POU2F1: variants seen among roughly 807,000 people sequenced by gnomAD.
POU2F1 encodes the protein POU domain, class 2, transcription factor 1.
A neutral mutation model predicts 84.9 loss-of-function variants in POU2F1; 16 were observed. The observed-to-expected ratio is 0.19, with a 90% CI of 0.13 to 0.29. The LOEUF (loss-of-function observed/expected upper bound fraction) is 0.29. Ranked by LOEUF, POU2F1 falls within the 10% of genes least tolerant of loss-of-function variation. POU2F1 has a pLI of 1.00. For missense variants in POU2F1, 738 were observed against 942.6 expected (o/e 0.78, Z 2.84); for synonymous variants, 368 against 368.3 (o/e 1.00, Z 0.01).
rs886965338 is a variant in POU2F1, at chr1:167,312,823, G to A, written c.62-19647G>A. Among the ~76,000 whole-genome samples, 6 of 152,030 alleles carry A rather than the reference G, an allele frequency of 3.9e-5. No individual in the cohort carries two copies. The East Asian group carries it at 5.8e-4, about 15-fold the overall frequency. On this transcript the variant is annotated intron_variant, in intron 1 of 15. Transcript: ENST00000367866. ...TTAATCTTTTATACTGTATTTTTAC[G>A]GTATCTTTTCTATGTTTATGTATGT... is the stretch of plus-strand genomic sequence containing the variant.
intron 1 of POU2F1, among the ~76,000 whole-genome samples, chr1:167,269,393 ACCT>A (rs1652202954): frequency 6.6e-6 from 1 of 152,104 alleles, no homozygotes; most frequent in Admixed American, 6.5e-5. Context: ...TGAAATAGAG[ACCT>A]CCTTAGTTTA....
intron 9 of POU2F1, among the ~76,000 whole-genome samples, chr1:167,395,205 G>C (rs1488010354): frequency 6.6e-6 from 1 of 152,178 alleles, no homozygotes; most frequent in Non-Finnish European, 1.5e-5. Flanking sequence ...ACATTTCAAA[G>C]GTTATAGGCT....
chr1:167,380,848 AT>A, intron 7 of POU2F1: 1 of 152,164 alleles, frequency 6.6e-6, no homozygotes, highest in Non-Finnish European at 1.5e-5. Flanking sequence ...CTAGAATTTA[AT>A]TTCTAGCAAG....
intron 1 of POU2F1, among the ~76,000 whole-genome samples, chr1:167,259,252 A>G (rs1651370707): frequency 6.6e-6 from 1 of 152,166 alleles, no homozygotes; most frequent in Non-Finnish European, 1.5e-5. Context: ...TTAGGCTAGT[A>G]ACATCATTTT....
At position 167,344,393 on chromosome 1, in the gene POU2F1, A is replaced by C. The variant is rs528263560; in HGVS notation, c.127+11858A>C. The stretch of plus-strand genomic sequence containing the variant: ...TGTGGGCCTTTTAAAGATTTTAGTT[A>C]AGTGGTTTGGAAAGAAATTGCTGTG... On this transcript the variant is annotated intron_variant, in intron 2 of 15. Transcript: ENST00000367866. Among the ~76,000 whole-genome samples, 5 of 152,280 alleles carry C rather than the reference A, an allele frequency of 3.3e-5. No individual in the cohort carries two copies. The South Asian group carries it at 1.0e-3, about 32-fold the overall frequency.
At chr1:167,230,072 A>G (rs181762880) in intron 1 of POU2F1, among the ~76,000 whole-genome samples, 155 of 152,304 alleles carry the variant, frequency 1.0e-3, no homozygotes, top group African/African-American at 3.6e-3. Context: ...AAATTTGAAG[A>G]TCTATCTTGG....
intron 1 of POU2F1, among the ~76,000 whole-genome samples, chr1:167,265,048 T>C (rs567259170): frequency 1.3e-5 from 2 of 152,340 alleles, no homozygotes; most frequent in African/African-American, 4.8e-5. Flanking sequence ...CTACTTTATT[T>C]TTCTCTGACT....
intron 1 of POU2F1, among the ~76,000 whole-genome samples, chr1:167,330,377 C>A (rs1657001211): frequency 6.6e-6 from 1 of 152,136 alleles, no homozygotes; most frequent in Admixed American, 6.5e-5. Context: ...ATCTGCCCAG[C>A]ACAGTAAAAG....
intron 1 of POU2F1, among the ~76,000 whole-genome samples, chr1:167,225,818 G>T (rs753401300): frequency 2.6e-5 from 4 of 152,022 alleles, no homozygotes; most frequent in Non-Finnish European, 5.9e-5. Flanking sequence ...TGTTGTTATC[G>T]GTTATTTTTG....
At chr1:167,286,216 C>T (rs1213185488) in intron 1 of POU2F1, among the ~76,000 whole-genome samples, 4 of 152,114 alleles carry the variant, frequency 2.6e-5, no homozygotes, top group African/African-American at 4.8e-5. Context: ...ATATTAACTT[C>T]TTGTAACTTT....
At chr1:167,375,139 A>G (rs1660241965) in intron 6 of POU2F1, among the ~76,000 whole-genome samples, 1 of 152,226 alleles carries the variant, frequency 6.6e-6, no homozygotes, top group South Asian at 2.1e-4. Flanking sequence ...TCAGTAAAAT[A>G]TATGAAGAGT....
chr1:167,257,240 A>G (rs1651205103), intron 1 of POU2F1, among the ~76,000 whole-genome samples: 1 of 152,198 alleles, frequency 6.6e-6, no homozygotes, highest in African/African-American at 2.4e-5. Context: ...TTTGATTTAA[A>G]CAGAAAGACC....
intron 4 of POU2F1, among the ~76,000 whole-genome samples, chr1:167,370,551 C>A (rs1021777017): frequency 6.6e-6 from 1 of 152,134 alleles, no homozygotes; most frequent in African/African-American, 2.4e-5. Flanking sequence ...TTCCAAAAGA[C>A]TTGTTATTTA....
chr1:167,408,709 G>C (rs770287834), intron 13 of POU2F1, among the ~76,000 whole-genome samples: 1 of 152,168 alleles, frequency 6.6e-6, no homozygotes, highest in Non-Finnish European at 1.5e-5. Flanking sequence ...ATTACAAACA[G>C]GCACAAGGGA....
intron 13 of POU2F1, among the ~76,000 whole-genome samples, chr1:167,409,864 A>G (rs1649834016): frequency 6.6e-6 from 1 of 152,228 alleles, no homozygotes; most frequent in Admixed American, 6.5e-5. Flanking sequence ...ATCAGGTTAG[A>G]TAAGGTGAGA....
intron 1 of POU2F1, among the ~76,000 whole-genome samples, chr1:167,324,436 CCAAACT>C (rs144397844): frequency 0.018 from 2,635 of 147,174 alleles, 34 homozygotes; most frequent in Non-Finnish European, 0.027. Context: ...AGTTTTTTAT[CCAAACT>C]CAAAAGGCTT....
intron 13 of POU2F1, among the ~76,000 whole-genome samples, chr1:167,408,769 A>G (rs763397185): frequency 3.4e-4 from 52 of 152,256 alleles, no homozygotes; most frequent in Non-Finnish European, 1.9e-4. Flanking sequence ...TGATGGTTGT[A>G]TAACTGTAAG....
At chr1:167,298,869 A>C (rs931556857) in intron 1 of POU2F1, among the ~76,000 whole-genome samples, 1 of 152,160 alleles carries the variant, frequency 6.6e-6, no homozygotes, top group Non-Finnish European at 1.5e-5. Context: ...GCCCATTAGA[A>C]TTATGGAAGG....
intron 1 of POU2F1, 42 bp from the exon 2 acceptor site, chr1:167,332,428 C>T: frequency 6.6e-7 from 1 of 1,509,414 alleles, no homozygotes; most frequent in Non-Finnish European, 9.2e-7. Context: ...CATCTCCATC[C>T]CCAGTTTTTT....
Sources: allele counts gnomAD v4.1 joint callset (sites outside exome capture counted in the v4.1 genomes callset), GRCh38; gene constraint gnomAD v4.1.1; transcripts MANE v1.5; gene names NCBI Gene and HGNC (gene_info 2026-07-23, HGNC 2026-07-21).